RORB: variants seen among roughly 807,000 people sequenced by gnomAD.
RORB encodes the protein RAR related orphan receptor B, also known as nuclear receptor ROR-beta.
A neutral mutation model predicts 59.1 loss-of-function variants in RORB; 6 were observed. That is an observed-to-expected ratio of 0.10 (90% confidence interval 0.06 to 0.20). RORB has a LOEUF of 0.20. Among genes scored for constraint, RORB ranks in the 10% least tolerant of loss-of-function variants. The pLI, the probability that RORB is intolerant of heterozygous loss-of-function variation, is 1.00. For synonymous variants in RORB, 215 were observed against 204.5 expected (o/e 1.05, Z -0.44); for missense variants, 320 against 560.5 (o/e 0.57, Z 4.33).
At chr9:74,646,557 T>C (rs945275481) in intron 4 of RORB, among the ~76,000 whole-genome samples, 1 of 152,216 alleles carries the variant, frequency 6.6e-6, no homozygotes, top group Admixed American at 6.5e-5. Context: ...TGCATTTTAG[T>C]CATTTTGAGC....
intron 1 of RORB, among the ~76,000 whole-genome samples, chr9:74,618,156 C>T (rs928511764): frequency 5.3e-5 from 8 of 152,020 alleles, no homozygotes; most frequent in Admixed American, 2.0e-4. Context: ...CACACACACG[C>T]GCATGCTATA....
intron 1 of RORB, among the ~76,000 whole-genome samples, chr9:74,508,063 ACAGTT>A (rs1270624787): frequency 6.6e-6 from 1 of 152,036 alleles, no homozygotes; most frequent in Non-Finnish European, 1.5e-5. Context: ...TTTAAAACAA[ACAGTT>A]CAATATGCTG....
At chr9:74,547,207 G>A (rs1272676178) in intron 1 of RORB, among the ~76,000 whole-genome samples, 1 of 152,102 alleles carries the variant, frequency 6.6e-6, no homozygotes, top group African/African-American at 2.4e-5. Context: ...GTATGAGAGA[G>A]ATCATTGATG....
intron 5 of RORB, 53 bp downstream of exon 5, chr9:74,660,791 TG>T: frequency 6.4e-7 from 1 of 1,572,504 alleles, no homozygotes; most frequent in Non-Finnish European, 8.6e-7. Context: ...ATTGCTGTGT[TG>T]CTCAAGCTCA....
chr9:74,664,317 A>C (rs1426116717), intron 6 of RORB, among the ~76,000 whole-genome samples: 2 of 152,162 alleles, frequency 1.3e-5, no homozygotes, highest in Non-Finnish European at 2.9e-5. Flanking sequence ...TCTAACTAAG[A>C]CTCAGATATA....
rs527756491 is a variant in RORB, at chr9:74,522,273, C to T, written c.7+24290C>T. ...TGCATTGTGTTGAACTTATTGATTT[C>T]CACTGAACATGCTGAAAATGCCCAT... On this transcript the variant is annotated intron_variant, in intron 1 of 9. Coordinates refer to ENST00000376896, the MANE Select transcript of RORB (RefSeq NM_006914.4). Among the ~76,000 whole-genome samples, 11 of 151,708 alleles carry T rather than the reference C, an allele frequency of 7.3e-5. No homozygotes were observed. In the South Asian group the frequency reaches 2.1e-3, roughly 29 times the overall value.
At chr9:74,610,539 A>C (rs1260540265) in intron 1 of RORB, among the ~76,000 whole-genome samples, 2 of 152,220 alleles carry the variant, frequency 1.3e-5, no homozygotes, top group Non-Finnish European at 2.9e-5. Flanking sequence ...ATGCAAAATT[A>C]AATTAAATTA....
intron 1 of RORB, among the ~76,000 whole-genome samples, chr9:74,573,916 C>A (rs951768254): frequency 2.6e-5 from 4 of 152,044 alleles, no homozygotes; most frequent in African/African-American, 9.7e-5. Flanking sequence ...GGTATCAAAG[C>A]TGCAAGGGGA....
At chr9:74,652,652 A>G (rs1563964808) in intron 4 of RORB, among the ~76,000 whole-genome samples, 1 of 152,114 alleles carries the variant, frequency 6.6e-6, no homozygotes, top group Admixed American at 6.6e-5. Flanking sequence ...CTAGGAGCAA[A>G]TTGGTCTTAG....
chr9:74,634,141 GA>G (rs35000217), intron 2 of RORB, among the ~76,000 whole-genome samples: 54,611 of 151,508 alleles, frequency 0.36, 10,669 homozygotes, highest in Middle Eastern at 0.45. Context: ...TTATGGTGGG[GA>G]AAAACACATC....
chr9:74,667,656 G>T, intron 7 of RORB, 135 bp from the exon 8 acceptor site: 1 of 565,108 alleles, frequency 1.8e-6, no homozygotes, highest in Non-Finnish European at 3.1e-6. Context: ...TTTATAATTA[G>T]AAACTTAAAA....
At chr9:74,522,772 T>G (rs550914615) in intron 1 of RORB, among the ~76,000 whole-genome samples, 33 of 151,954 alleles carry the variant, frequency 2.2e-4, no homozygotes, top group African/African-American at 7.7e-4. Context: ...AAAGTCATTG[T>G]TTGGTGCTCC....
At chr9:74,565,709 T>C (rs1443813890) in intron 1 of RORB, among the ~76,000 whole-genome samples, 1 of 152,210 alleles carries the variant, frequency 6.6e-6, no homozygotes, top group Non-Finnish European at 1.5e-5. Context: ...TTCTTTTTCA[T>C]ACATTTTTAT....
chr9:74,676,505 A>G (rs917577701), intron 9 of RORB, among the ~76,000 whole-genome samples: 1 of 152,246 alleles, frequency 6.6e-6, no homozygotes, highest in African/African-American at 2.4e-5. Flanking sequence ...CTCAGCGAGT[A>G]CCATGCCTTC....
chr9:74,536,132 TATTC>T (rs987601105), intron 1 of RORB, among the ~76,000 whole-genome samples: 7 of 152,096 alleles, frequency 4.6e-5, no homozygotes, highest in African/African-American at 1.7e-4. Context: ...GACAAGACTT[TATTC>T]AGTTTATGGT....
At chr9:74,599,623 T>A (rs537616282) in intron 1 of RORB, among the ~76,000 whole-genome samples, 3 of 152,336 alleles carry the variant, frequency 2.0e-5, no homozygotes, top group African/African-American at 7.2e-5. Flanking sequence ...TTACAAAACT[T>A]TTAAAAATAT....
At chr9:74,651,069 C>T (rs1035980485) in intron 4 of RORB, among the ~76,000 whole-genome samples, 3 of 152,124 alleles carry the variant, frequency 2.0e-5, no homozygotes, top group Non-Finnish European at 2.9e-5. Flanking sequence ...CCTTTGGTGG[C>T]GTGTGGAGGT....
chr9:74,577,451 G>T (rs1438221205), intron 1 of RORB, among the ~76,000 whole-genome samples: 1 of 152,034 alleles, frequency 6.6e-6, no homozygotes, highest in African/African-American at 2.4e-5. Flanking sequence ...GCACTGTCAG[G>T]CATCACAGTA....
At chr9:74,501,347 C>T (rs1015406348) in intron 1 of RORB, among the ~76,000 whole-genome samples, 4 of 152,194 alleles carry the variant, frequency 2.6e-5, no homozygotes, top group African/African-American at 7.2e-5. Flanking sequence ...AGAGGTATGG[C>T]AGCCCTTCAG....
Sources: gnomAD v4.1 joint callset for allele counts (sites outside exome capture counted in the v4.1 genomes callset) on GRCh38, gnomAD v4.1.1 for gene constraint, MANE v1.5 for transcripts, NCBI Gene and HGNC (gene_info 2026-07-23, HGNC 2026-07-21) for gene names.